ATRIP: variants seen among roughly 807,000 people sequenced by gnomAD.
The protein encoded by ATRIP is ATR-interacting protein.
A neutral mutation model predicts 78.1 loss-of-function variants in ATRIP; 44 were observed. The ratio of observed to expected loss-of-function variants is 0.56; its 90% confidence interval spans 0.44 to 0.72. The LOEUF is 0.72. Ranked by LOEUF, ATRIP falls within the 30% of genes least tolerant of loss-of-function variation. ATRIP has a pLI of 0.00. For synonymous variants in ATRIP, 388 were observed against 408.9 expected (o/e 0.95, Z 0.62); for missense variants, 927 against 980.2 (o/e 0.95, Z 0.72).
At chr3:48,461,943 T>G (rs944474287) in intron 8 of ATRIP, among the ~76,000 whole-genome samples, 1 of 152,128 alleles carries the variant, frequency 6.6e-6, no homozygotes, top group Admixed American at 6.5e-5. Flanking sequence ...GGACCTCAGG[T>G]GATCCACCTG....
Position 48,447,048 on chromosome 3 carries a change from C to T in ATRIP, c.203C>T (p.Ser68Leu), listed in dbSNP as rs551289572. 6.3e-5 allele frequency: 98 copies of T among 1,567,308 alleles called. No homozygotes were observed. In the Admixed American group the frequency reaches 1.8e-3, roughly 28 times the overall value. Residue 68 changes from serine to leucine, a missense_variant, in exon 1 of 13, where the codon TCA becomes TTA. Coordinates refer to ENST00000320211, the MANE Select transcript of ATRIP (RefSeq NM_130384.3). ...CTGGAGGAGCTTGACACCCTCGCGT[C>T]ACAGGCCCTGAGCCAATGTCCGGCC... is the stretch of plus-strand genomic sequence containing the variant. ...DDLEELDTLA[S>L]QALSQCPAAA...
chr3:48,457,826 C>G (rs1362571629), intron 5 of ATRIP, among the ~76,000 whole-genome samples: 6 of 152,206 alleles, frequency 3.9e-5, no homozygotes, highest in Non-Finnish European at 5.9e-5. Context: ...GGGCGTCATT[C>G]AAGGGGAGAA....
intron 8 of ATRIP, 63 bp downstream of exon 8, chr3:48,460,862 C>T (rs1423543660): frequency 7.0e-7 from 1 of 1,431,538 alleles, no homozygotes; most frequent in Non-Finnish European, 9.5e-7. Context: ...AAGGTCTAAC[C>T]CATGGCACTT....
chr3:48,463,686 G>C, intron 8 of ATRIP, 59 bp from the exon 9 acceptor site: 15 of 1,604,114 alleles, frequency 9.4e-6, no homozygotes, highest in Non-Finnish European at 1.3e-5. Context: ...GGAGTGTGAA[G>C]GTAGGTTATG....
intron 8 of ATRIP, 46 bp downstream of exon 8, chr3:48,460,845 A>T: frequency 6.6e-7 from 1 of 1,521,698 alleles, no homozygotes; most frequent in Non-Finnish European, 8.9e-7. Flanking sequence ...GTCTCACCTG[A>T]CCTCTTAAGG....
At chr3:48,465,417 G>A in intron 12 of ATRIP, 70 bp from the exon 13 acceptor site, 2 of 1,481,528 alleles carry the variant, frequency 1.3e-6, no homozygotes, top group Admixed American at 3.4e-5. Context: ...GTTGGGGGAG[G>A]AGAGGTGGGA....
In ATRIP at chr3:48,464,107, C is replaced by G. The variant is rs1355492141; in HGVS notation, c.1949C>G (p.Thr650Arg). The change falls in exon 10 of 13, where the codon ACA becomes AGA. Residue 650 changes from threonine to arginine, a missense_variant. Physicochemically the swap from Thr to Arg is moderately conservative, Grantham distance 71 (BLOSUM62 -1). Transcript: ENST00000320211. ...CGGCCTGACAGAGTGGCCTTGGAGACACAATGGCTCCAGCTGGAACAAGAG... is the reference window on the plus strand; with the variant it reads ...CGGCCTGACAGAGTGGCCTTGGAGAGACAATGGCTCCAGCTGGAACAAGAG... Reference protein sequence around the residue: ...TSRPDRVALETQWLQLEQEVV... With the variant: ...TSRPDRVALERQWLQLEQEVV... 3.1e-6 allele frequency: 5 copies of G among 1,613,672 alleles called. No homozygotes were observed. Among genetic ancestry groups the G allele is most frequent in the Non-Finnish European group, 4.2e-6 (5 of 1,179,948 alleles).
chr3:48,463,932 G>C, intron 9 of ATRIP, 51 bp downstream of exon 9: 1 of 1,610,558 alleles, frequency 6.2e-7, no homozygotes, highest in Non-Finnish European at 8.5e-7. Flanking sequence ...ATCAAGGGAA[G>C]GGTTGGGGTG....
intron 8 of ATRIP, among the ~76,000 whole-genome samples, chr3:48,463,474 CA>C (rs1489876228): frequency 3.3e-5 from 5 of 151,854 alleles, no homozygotes; most frequent in African/African-American, 4.8e-5. Context: ...TCCAGGAGGT[CA>C]TCCCACTTCC....
rs1560105830 is a variant in ATRIP, at chr3:48,459,250, A to G, written c.830-109A>G. 3 of 877,032 alleles carry G rather than the reference A, an allele frequency of 3.4e-6. No homozygotes were observed. The East Asian group carries it at 7.8e-5, about 23-fold the overall frequency. 54.3% of individuals were successfully genotyped at this position (877,032 alleles called of 1,614,324 possible). A position where few individuals can be genotyped will look rare whatever the true frequency, so the allele number is the denominator to read the frequency against. On this transcript the variant is annotated intron_variant, in intron 5 of 12. Transcript: ENST00000320211. ...GCCGCTTTGGCTCTTGTTTGTTCCAAGTTCGAAGAAGTAGAACAGCGTGTG... is the reference window on the plus strand; with the variant it reads ...GCCGCTTTGGCTCTTGTTTGTTCCAGGTTCGAAGAAGTAGAACAGCGTGTG...
At chr3:48,457,780 C>G (rs1054620922) in intron 5 of ATRIP, among the ~76,000 whole-genome samples, 1 of 152,206 alleles carries the variant, frequency 6.6e-6, no homozygotes, top group Non-Finnish European at 1.5e-5. Context: ...ATCCCCTCTG[C>G]CACATTGTAT....
At chr3:48,452,894 T>C (rs1300077164) in intron 3 of ATRIP, among the ~76,000 whole-genome samples, 2 of 86,762 alleles carry the variant, frequency 2.3e-5, no homozygotes, top group Non-Finnish European at 4.5e-5. Context: ...TTTTTTTTTT[T>C]TGAGACAGGG....
At chr3:48,463,362 G>C (rs2040171381) in intron 8 of ATRIP, among the ~76,000 whole-genome samples, 1 of 152,108 alleles carries the variant, frequency 6.6e-6, no homozygotes, top group Admixed American at 6.5e-5. Flanking sequence ...TGTCACCTCT[G>C]GAGGCCTGGT....
In ATRIP at chr3:48,450,126, G is replaced by T; in HGVS notation, c.337G>T (p.Glu113Ter). ...AACTGTTCCAATTAAAGATAATTTC[G>T]AATTAGAGGTACTTCAGGCACAATA... ...RETVPIKDNF[E>*]LEVLQAQYKE... is the part of the protein sequence containing the mutation. The change falls in exon 2 of 13, where the codon GAA becomes TAA. Residue 113 changes from glutamate to a stop codon, truncating the protein, a stop_gained. Coordinates refer to ENST00000320211, the MANE Select transcript of ATRIP (RefSeq NM_130384.3). LOFTEE classifies it high-confidence loss of function. 5.6e-6 allele frequency: 9 copies of T among 1,612,944 alleles called. No homozygotes were observed. The highest frequency in any genetic ancestry group is 1.1e-5 in the South Asian group (1 of 90,584).
In ATRIP at chr3:48,446,931, C is replaced by A; in HGVS notation, c.86C>A (p.Pro29His). The change falls in exon 1 of 13, where the codon CCC (proline) becomes CAC (histidine). Residue 29 changes from proline (P) to histidine (H), a missense_variant. Physicochemically the swap from Pro to His is moderately conservative, Grantham distance 77 (BLOSUM62 -2). Coordinates refer to ENST00000320211, the MANE Select transcript of ATRIP (RefSeq NM_130384.3). Reference protein sequence around the residue: ...RPGPPPGTGHPPSKRARGFSA... With the variant: ...RPGPPPGTGHHPSKRARGFSA... ...GGCCCGCCGCCGGGCACCGGGCACC[C>A]CCCGAGCAAGCGGGCCCGGGGCTTC... 1 of 1,457,302 alleles carries A rather than the reference C, an allele frequency of 6.9e-7. No individual in the cohort carries two copies. 90.3% of individuals were successfully genotyped at this position (1,457,302 alleles called of 1,614,324 possible). A position where few individuals can be genotyped will look rare whatever the true frequency, so the allele number is the denominator to read the frequency against.
chr3:48,453,986 C>T (rs546029829), intron 3 of ATRIP, among the ~76,000 whole-genome samples: 21 of 152,032 alleles, frequency 1.4e-4, no homozygotes, highest in African/African-American at 4.6e-4. Flanking sequence ...TCTCGAACTC[C>T]TGGGCTCAAA....
chr3:48,447,076 G>A lies in ATRIP; in HGVS notation c.231G>A (p.Ala77=), dbSNP rs1309838264. 2 of 1,557,868 alleles carry A rather than the reference G, an allele frequency of 1.3e-6. No individual in the cohort carries two copies. Among genetic ancestry groups the A allele is most frequent in the Non-Finnish European group, 1.7e-6 (2 of 1,155,466 alleles). The change falls in exon 1 of 13, where the codon GCG becomes GCA. Residue 77 remains alanine, a synonymous_variant. Coordinates refer to ENST00000320211, the MANE Select transcript of ATRIP (RefSeq NM_130384.3). ...ASQALSQCPA[A]ARDVSSDHKV... Reference sequence around the variant, plus strand: ...AGGCCCTGAGCCAATGTCCGGCCGCGGCTCGGGACGTGTCCAGTGAGTGCT... The same window carrying A: ...AGGCCCTGAGCCAATGTCCGGCCGCAGCTCGGGACGTGTCCAGTGAGTGCT...
In ATRIP at chr3:48,466,967, G is replaced by C. The variant is rs56162833; in HGVS notation, c.*1413G>C. 1.4e-4 allele frequency: 224 copies of C among 1,612,374 alleles called. No homozygotes were observed. Among genetic ancestry groups the C allele is most frequent in the Non-Finnish European group, 1.8e-4 (210 of 1,180,034 alleles). On this transcript the variant is annotated 3_prime_UTR_variant, in exon 13 of 13. Coordinates refer to ENST00000320211, the MANE Select transcript of ATRIP (RefSeq NM_130384.3). ...GGCGTCAATGTTTTGATGACAACCT[G>C]GCCAACCTGCTCCTAGCCTTCCTGC...
Position 48,454,399 on chromosome 3 carries a change from C to G in ATRIP, c.652C>G (p.Pro218Ala), listed in dbSNP as rs761403182. 3.0e-5 allele frequency: 49 copies of G among 1,611,136 alleles called. No homozygotes were observed. The highest frequency in any genetic ancestry group is 4.2e-5 in the Non-Finnish European group (49 of 1,177,664). The change falls in exon 4 of 13, where the codon CCC (proline) becomes GCC (alanine). Residue 218 changes from proline (P) to alanine (A), a missense_variant. Pro to Ala is a conservative substitution (Grantham distance 27). Transcript: ENST00000320211. Reference sequence around the variant, plus strand: ...TGAACGAGCAAATAAACTGGCTGCTCCCTCTGTTTCCCATGTCAGGTAATG... The same window carrying G: ...TGAACGAGCAAATAAACTGGCTGCTGCCTCTGTTTCCCATGTCAGGTAATG... Reference protein sequence around the residue: ...TSERANKLAAPSVSHVSPRKN... With the variant: ...TSERANKLAAASVSHVSPRKN...
Sources: allele counts gnomAD v4.1 joint callset (sites outside exome capture counted in the v4.1 genomes callset), GRCh38; gene constraint gnomAD v4.1.1; transcripts MANE v1.5; gene names NCBI Gene and HGNC (gene_info 2026-07-23, HGNC 2026-07-21).